The following VWA8 variants were observed in gnomAD, a reference collection of about 807,000 sequenced individuals.
VWA8 encodes von Willebrand factor A domain containing 8, also known as von Willebrand factor A domain-containing protein 8.
In VWA8, 221 loss-of-function variants were observed where a neutral mutation model predicts 241.5. The observed-to-expected ratio is 0.91, with a 90% CI of 0.82 to 1.02. VWA8 has a LOEUF of 1.02. VWA8 is among the 50% of genes least tolerant of loss of function. The probability of loss-of-function intolerance (pLI) is 0.00; values close to 1 mark genes in which losing one functional copy is unlikely to be tolerated. For missense variants in VWA8, 2,322 were observed against 2,328.7 expected, an observed-to-expected ratio of 1.00 and a Z score of 0.06; for synonymous variants, 852 against 827.1, an observed-to-expected ratio of 1.03 and a Z score of -0.52.
intron 20 of VWA8, among the ~76,000 whole-genome samples, chr13:41,770,583 C>A (rs2045813847): frequency 6.6e-6 from 1 of 151,974 alleles, no homozygotes; most frequent in Non-Finnish European, 1.5e-5. Flanking sequence ...CCACTTTCAC[C>A]TTTTAGAATA....
chr13:41,738,867 T>C (rs79538637), intron 21 of VWA8, among the ~76,000 whole-genome samples: 2,017 of 152,292 alleles, frequency 0.013, 23 homozygotes, highest in Middle Eastern at 0.051. Context: ...TATACAAAGA[T>C]GCACACACAG....
intron 3 of VWA8, among the ~76,000 whole-genome samples, chr13:41,909,742 C>T (rs868464865): frequency 2.0e-5 from 3 of 152,336 alleles, no homozygotes; most frequent in Middle Eastern, 6.8e-3. Flanking sequence ...AAAGTCTCCC[C>T]AGGTGCTGAT....
intron 29 of VWA8, among the ~76,000 whole-genome samples, chr13:41,696,947 T>C (rs976614746): frequency 2.0e-5 from 3 of 152,224 alleles, no homozygotes; most frequent in Admixed American, 2.0e-4. Context: ...GTCTCATGGC[T>C]TTAAAGAACA....
At chr13:41,950,137 A>G (rs1024077759) in intron 1 of VWA8, 124 bp from the exon 2 acceptor site, 6 of 530,894 alleles carry the variant, frequency 1.1e-5, no homozygotes, top group African/African-American at 7.8e-5. Flanking sequence ...GCAGCTGTCT[A>G]TAAGTCAAGC....
chr13:41,948,580 T>C (rs184197037), intron 2 of VWA8, among the ~76,000 whole-genome samples: 1 of 152,284 alleles, frequency 6.6e-6, no homozygotes, highest in Admixed American at 6.5e-5. Context: ...TCACACCTGG[T>C]AGACTAAGAT....
intron 14 of VWA8, among the ~76,000 whole-genome samples, chr13:41,822,998 G>GTTCC (rs1871027898): frequency 6.6e-6 from 1 of 152,040 alleles, no homozygotes; most frequent in South Asian, 2.1e-4. Context: ...GTTTCAAATG[G>GTTCC]TTCCTTGACC....
intron 39 of VWA8, among the ~76,000 whole-genome samples, chr13:41,611,041 GC>G (rs922629909): frequency 9.2e-5 from 14 of 152,068 alleles, no homozygotes; most frequent in Admixed American, 7.2e-4. Flanking sequence ...TGCTCATCCT[GC>G]CCTGGTGCCT....
chr13:41,711,804 G>A (rs1344887139), intron 26 of VWA8, among the ~76,000 whole-genome samples: 1 of 151,978 alleles, frequency 6.6e-6, no homozygotes, highest in Non-Finnish European at 1.5e-5. Context: ...AACCTGGGAG[G>A]CGGAGCTTAC....
chr13:41,736,413 G>A (rs2045525158), intron 21 of VWA8, among the ~76,000 whole-genome samples: 1 of 152,108 alleles, frequency 6.6e-6, no homozygotes, highest in Non-Finnish European at 1.5e-5. Flanking sequence ...CAATTAAATT[G>A]TGTAAAGACC....
At chr13:41,855,452 T>A (rs1872710778) in intron 12 of VWA8, among the ~76,000 whole-genome samples, 2 of 149,128 alleles carry the variant, frequency 1.3e-5, no homozygotes, top group Non-Finnish European at 1.5e-5. Context: ...GAAAGAGAAA[T>A]ACTGATATAA....
intron 19 of VWA8, among the ~76,000 whole-genome samples, chr13:41,781,477 G>A (rs1380893042): frequency 1.3e-5 from 2 of 152,086 alleles, no homozygotes; most frequent in Non-Finnish European, 2.9e-5. Flanking sequence ...CCACCACACT[G>A]TGTAGTAACT....
At chr13:41,841,295 A>G (rs1871986719) in intron 12 of VWA8, among the ~76,000 whole-genome samples, 1 of 152,164 alleles carries the variant, frequency 6.6e-6, no homozygotes, top group Admixed American at 6.5e-5. Context: ...AGTCTCAATC[A>G]TCTTCTTTGA....
intron 26 of VWA8, among the ~76,000 whole-genome samples, chr13:41,706,663 G>T (rs971867023): frequency 1.3e-5 from 2 of 152,202 alleles, no homozygotes; most frequent in Admixed American, 1.3e-4. Context: ...GCAAGCTTTG[G>T]AATTTGAAAC....
intron 37 of VWA8, among the ~76,000 whole-genome samples, chr13:41,633,974 C>A (rs765393762): frequency 6.6e-6 from 1 of 152,136 alleles, no homozygotes; most frequent in East Asian, 1.9e-4. Context: ...CTCCCTATAC[C>A]CCTCCCACTT....
chr13:41,950,036 G>A, intron 1 of VWA8, 23 bp from the exon 2 acceptor site: 3 of 1,421,222 alleles, frequency 2.1e-6, no homozygotes, highest in Non-Finnish European at 2.9e-6. Context: ...TTTAAAAACA[G>A]AATAATTATA....
chr13:41,736,530 T>C (rs368865087), intron 21 of VWA8, among the ~76,000 whole-genome samples: 6 of 152,308 alleles, frequency 3.9e-5, no homozygotes, highest in African/African-American at 1.4e-4. Context: ...TTCTAATTTA[T>C]TGAGGAGCAG....
chr13:41,677,553 T>C (rs1249070817), intron 35 of VWA8, among the ~76,000 whole-genome samples: 2 of 152,184 alleles, frequency 1.3e-5, no homozygotes, highest in Non-Finnish European at 2.9e-5. Flanking sequence ...CCCAGGCCTC[T>C]TTAGCACTAA....
At chr13:41,815,543 G>C (rs1244824875) in intron 16 of VWA8, among the ~76,000 whole-genome samples, 2 of 152,152 alleles carry the variant, frequency 1.3e-5, no homozygotes, top group Admixed American at 1.3e-4. Flanking sequence ...GATTGATATG[G>C]TGAGTCCACT....
chr13:41,719,446 C>A, intron 26 of VWA8, 145 bp downstream of exon 26: 1 of 1,471,812 alleles, frequency 6.8e-7, no homozygotes, highest in South Asian at 1.4e-5. Context: ...AACTGAAAAG[C>A]AGCCAGCAAA....
Sources: gnomAD v4.1 joint callset for allele counts (sites outside exome capture counted in the v4.1 genomes callset) on GRCh38, gnomAD v4.1.1 for gene constraint, MANE v1.5 for transcripts, NCBI Gene and HGNC (gene_info 2026-07-23, HGNC 2026-07-21) for gene names.